The following FHIT variants were observed in gnomAD, a reference collection of about 807,000 sequenced individuals.
The protein encoded by FHIT is bis(5'-adenosyl)-triphosphatase.
In FHIT, 19 loss-of-function variants were observed where a neutral mutation model predicts 17.9. That is an observed-to-expected ratio of 1.06 (90% CI 0.74 to 1.56). The LOEUF (loss-of-function observed/expected upper bound fraction) is 1.56, where lower values mean the gene tolerates loss of function less well. Among genes scored for constraint, FHIT ranks in the 40% most tolerant of loss-of-function variants. FHIT has a pLI of 0.00. For synonymous variants in FHIT, 81 were observed against 69.7 expected (o/e 1.16, Z -0.81); for missense variants, 248 against 189.2 (o/e 1.31, Z -1.82).
intron 5 of FHIT, among the ~76,000 whole-genome samples, chr3:60,041,214 G>A (rs1378834673): frequency 6.6e-6 from 1 of 152,194 alleles, no homozygotes; most frequent in African/African-American, 2.4e-5. Flanking sequence ...GAGACTTGCA[G>A]ATCCAACTGC....
intron 5 of FHIT, among the ~76,000 whole-genome samples, chr3:60,190,701 A>G (rs1702362820): frequency 6.6e-6 from 1 of 152,144 alleles, no homozygotes; most frequent in African/African-American, 2.4e-5. Context: ...CCAGCATGGC[A>G]CATGTATACA....
chr3:60,964,211 T>A (rs1356998139), intron 3 of FHIT, among the ~76,000 whole-genome samples: 1 of 152,188 alleles, frequency 6.6e-6, no homozygotes, highest in African/African-American at 2.4e-5. Context: ...CTTTTCATCT[T>A]TGTTGGTTTA....
At chr3:61,224,108 G>A (rs2039906655) in intron 1 of FHIT, among the ~76,000 whole-genome samples, 1 of 152,204 alleles carries the variant, frequency 6.6e-6, no homozygotes, top group Non-Finnish European at 1.5e-5. Flanking sequence ...CAGCAAGGCA[G>A]ATAGAAGCTT....
At chr3:60,079,419 A>AT (rs1207343902) in intron 5 of FHIT, among the ~76,000 whole-genome samples, 5 of 151,718 alleles carry the variant, frequency 3.3e-5, no homozygotes, top group East Asian at 1.9e-4. Flanking sequence ...AAGAGGGGTT[A>AT]TTTTTTTTAC....
intron 8 of FHIT, among the ~76,000 whole-genome samples, chr3:59,915,519 C>T (rs1705092214): frequency 6.6e-6 from 1 of 152,212 alleles, no homozygotes; most frequent in Non-Finnish European, 1.5e-5. Flanking sequence ...TCATCAAGCA[C>T]TCTTCAGCCT....
Position 61,200,492 on chromosome 3 carries a change from G to A in FHIT, c.-164+125C>T, listed in dbSNP as rs371574715. On this transcript the variant is annotated intron_variant, in intron 2 of 9. Coordinates refer to ENST00000492590, the MANE Select transcript of FHIT (RefSeq NM_002012.4). Reference sequence around the variant, plus strand: ...CACTTTTGCCTAAGAGGGAGGACAAGCAGGTGGTTAAGGAAGTTGTCCTGT... The same window carrying A: ...CACTTTTGCCTAAGAGGGAGGACAAACAGGTGGTTAAGGAAGTTGTCCTGT... 3.3e-5 allele frequency: 5 copies of A among 152,764 alleles called. No individual in the cohort carries two copies. The East Asian group carries it at 9.6e-4, about 29-fold the overall frequency. The allele number at this position is 152,764 out of a possible 1,614,324, so 9.5% of individuals were successfully genotyped here.
At chr3:60,124,491 C>T (rs1373309297) in intron 5 of FHIT, among the ~76,000 whole-genome samples, 1 of 152,156 alleles carries the variant, frequency 6.6e-6, no homozygotes, top group East Asian at 1.9e-4. Flanking sequence ...AAATAAGTGA[C>T]TTCAAGTCAG....
intron 4 of FHIT, among the ~76,000 whole-genome samples, chr3:60,786,586 G>A (rs1430592234): frequency 4.6e-5 from 7 of 152,168 alleles, no homozygotes; most frequent in Non-Finnish European, 8.8e-5. Flanking sequence ...TGAAGATAAT[G>A]CATGTAAAAT....
intron 2 of FHIT, among the ~76,000 whole-genome samples, chr3:61,155,021 A>G (rs781100695): frequency 6.6e-5 from 10 of 152,250 alleles, no homozygotes; most frequent in Non-Finnish European, 1.5e-4. Context: ...TATCCCTGCC[A>G]TCATTTCCGC....
At chr3:60,526,603 C>T (rs1227132460) in intron 5 of FHIT, among the ~76,000 whole-genome samples, 1 of 152,170 alleles carries the variant, frequency 6.6e-6, no homozygotes, top group Non-Finnish European at 1.5e-5. Context: ...TCTTGCTCTG[C>T]TACTACAGGC....
intron 5 of FHIT, among the ~76,000 whole-genome samples, chr3:60,175,304 T>C (rs974596673): frequency 1.3e-5 from 2 of 152,142 alleles, no homozygotes; most frequent in Non-Finnish European, 2.9e-5. Context: ...ATAAAACTAA[T>C]GTGAGTGCCT....
At chr3:60,486,202 G>T (rs547308538) in intron 5 of FHIT, among the ~76,000 whole-genome samples, 1 of 151,840 alleles carries the variant, frequency 6.6e-6, no homozygotes, top group East Asian at 1.9e-4. Context: ...AAATGAGAGA[G>T]TATATAAACA....
At chr3:60,855,535 T>C (rs140633902) in intron 3 of FHIT, among the ~76,000 whole-genome samples, 27 of 152,184 alleles carry the variant, frequency 1.8e-4, no homozygotes, top group Admixed American at 7.2e-4. Flanking sequence ...TATTACTGAG[T>C]TGCCAAACTA....
chr3:60,687,629 G>T (rs1257726636), intron 4 of FHIT, among the ~76,000 whole-genome samples: 3 of 151,968 alleles, frequency 2.0e-5, no homozygotes, highest in East Asian at 1.9e-4. Context: ...CCTTAAAAAA[G>T]TGTATTGCTT....
intron 5 of FHIT, among the ~76,000 whole-genome samples, chr3:60,221,753 T>C (rs1360488172): frequency 6.6e-6 from 1 of 152,162 alleles, no homozygotes; most frequent in Non-Finnish European, 1.5e-5. Flanking sequence ...ATAGATCTTT[T>C]AATGACTGGC....
chr3:59,786,842 T>G (rs1319052126), intron 8 of FHIT, among the ~76,000 whole-genome samples: 1 of 152,258 alleles, frequency 6.6e-6, no homozygotes, highest in East Asian at 1.9e-4. Context: ...CTGTGGCTGC[T>G]GCTGCGAACA....
intron 2 of FHIT, among the ~76,000 whole-genome samples, chr3:61,099,670 C>G (rs543141731): frequency 6.6e-5 from 10 of 152,104 alleles, no homozygotes; most frequent in African/African-American, 1.9e-4. Flanking sequence ...GGAATTTATT[C>G]ATTTCTTCTA....
At chr3:61,008,467 C>T (rs1415556473) in intron 3 of FHIT, among the ~76,000 whole-genome samples, 2 of 151,736 alleles carry the variant, frequency 1.3e-5, no homozygotes, top group African/African-American at 2.4e-5. Flanking sequence ...CAAAAGGAGT[C>T]TGGGGCTAGG....
chr3:60,101,954 C>G (rs968490069), intron 5 of FHIT, among the ~76,000 whole-genome samples: 3 of 152,196 alleles, frequency 2.0e-5, no homozygotes, highest in African/African-American at 7.2e-5. Context: ...TCACTCAAGT[C>G]TAATTCTGCT....
Sources: allele counts gnomAD v4.1 joint callset (sites outside exome capture counted in the v4.1 genomes callset), GRCh38; gene constraint gnomAD v4.1.1; transcripts MANE v1.5; gene names NCBI Gene and HGNC (gene_info 2026-07-23, HGNC 2026-07-21).